RPGR: variants seen among roughly 807,000 people sequenced by gnomAD.
RPGR encodes retinitis pigmentosa GTPase regulator, also known as X-linked retinitis pigmentosa GTPase regulator.
RPGR carries 10 observed loss-of-function variants against 56.3 expected under a neutral mutation model. The ratio of observed to expected loss-of-function variants is 0.18; its 90% confidence interval spans 0.11 to 0.30. The LOEUF is 0.30. Ranked by LOEUF, RPGR falls within the 10% of genes least tolerant of loss-of-function variation. The pLI is 1.00. For missense variants in RPGR, 538 were observed against 590.9 expected (o/e 0.91, Z 0.93); for synonymous variants, 197 against 212.9 (o/e 0.93, Z 0.65).
chrX:38,310,707 A>C lies in RPGR; in HGVS notation c.686T>G (p.Leu229Arg). The change falls in exon 7 of 19, where the codon CTG becomes CGG. Residue 229 changes from leucine (L) to arginine (R), a missense_variant. Leu to Arg is a moderately radical substitution (Grantham distance 102). Around this residue, in one of 2 missense-constraint regions of RPGR, gnomAD observed 181 missense variants for 265.1 expected, o/e 0.68. Transcript: ENST00000642395. Reference sequence around the variant, plus strand: ...CAGCTGGGGTGTTCTGTGATTGCCCAGGAGCTGATTGGGAAGACCTAACTT... The same window carrying C: ...CAGCTGGGGTGTTCTGTGATTGCCCCGGAGCTGATTGGGAAGACCTAACTT... 1 of 1,210,774 alleles carries C rather than the reference A, an allele frequency of 8.3e-7. No individual in the cohort carries two copies. The highest frequency in any genetic ancestry group is 1.1e-6 in the Non-Finnish European group (1 of 894,907).
intron 8 of RPGR, among the ~76,000 whole-genome samples, chrX:38,303,015 C>T (rs955841575): frequency 9.1e-6 from 1 of 110,443 alleles, no homozygotes; most frequent in Non-Finnish European, 1.9e-5. Context: ...ACCATGTTGA[C>T]CAAGCTGTAG....
At chrX:38,288,984 G>A (rs763348610) in intron 13 of RPGR, among the ~76,000 whole-genome samples, 1 of 110,138 alleles carries the variant, frequency 9.1e-6, no homozygotes, top group Admixed American at 9.6e-5. Flanking sequence ...GTTTCACCAT[G>A]ATGGCCAGGC....
chrX:38,289,725 T>TA (rs1389212827), intron 13 of RPGR, among the ~76,000 whole-genome samples: 1 of 112,643 alleles, frequency 8.9e-6, no homozygotes, highest in East Asian at 2.8e-4. Flanking sequence ...AAAAAGACTA[T>TA]AGAAAGTATA....
intron 13 of RPGR, among the ~76,000 whole-genome samples, chrX:38,289,797 T>C (rs1003385515): frequency 8.9e-6 from 1 of 112,539 alleles, no homozygotes; most frequent in Non-Finnish European, 1.9e-5. Context: ...TATTGCTCTT[T>C]AAAAAGTCAT....
chrX:38,280,103 T>C (rs180997035), intron 15 of RPGR, among the ~76,000 whole-genome samples: 274 of 111,111 alleles, frequency 2.5e-3, no homozygotes, highest in Middle Eastern at 4.6e-3. Context: ...ACCTGTAAAA[T>C]GGAAAAATAA....
In RPGR at chrX:38,287,986, T is replaced by A. The variant is rs1046143955; in HGVS notation, c.1628A>T (p.Asp543Val). Reference sequence around the variant, plus strand: ...TGACATTTCTTCATATTCATCACTATCATCGTTTTCAGTAAGAGCTGTATC... The same window carrying A: ...TGACATTTCTTCATATTCATCACTAACATCGTTTTCAGTAAGAGCTGTATC... The change falls in exon 14 of 19, where the codon GAT (aspartate) becomes GTT (valine). Residue 543 changes from aspartate (D) to valine (V), a missense_variant. By Grantham distance (152) the Asp-to-Val change is radical. Transcript: ENST00000642395. 1.7e-6 allele frequency: 2 copies of A among 1,210,545 alleles called. No individual in the cohort carries two copies. Among genetic ancestry groups the A allele is most frequent in the Non-Finnish European group, 2.2e-6 (2 of 894,491 alleles).
chrX:38,293,443 C>A (rs2067324255), intron 11 of RPGR, among the ~76,000 whole-genome samples: 1 of 111,826 alleles, frequency 8.9e-6, no homozygotes, highest in African/African-American at 3.3e-5. Context: ...AAGGAAAAGA[C>A]TACTGAGAGA....
At chrX:38,277,379 C>T (rs1438793943) in intron 15 of RPGR, among the ~76,000 whole-genome samples, 1 of 111,423 alleles carries the variant, frequency 9.0e-6, no homozygotes, top group Non-Finnish European at 1.9e-5. Context: ...AAGAGGCTGT[C>T]TATGGATTTG....
chrX:38,296,932 T>C (rs1569244052), intron 11 of RPGR, among the ~76,000 whole-genome samples: 1 of 112,375 alleles, frequency 8.9e-6, no homozygotes, highest in African/African-American at 3.2e-5. Context: ...GCAAGTCACT[T>C]GATCTCTTCA....
intron 8 of RPGR, among the ~76,000 whole-genome samples, chrX:38,301,970 C>T (rs1416895527): frequency 4.3e-4 from 48 of 111,462 alleles, no homozygotes; most frequent in Non-Finnish European, 1.1e-4. Context: ...GGGGGATGCA[C>T]AAAATCTCTA....
chrX:38,275,561 CTAGAA>C (rs1485752742), intron 16 of RPGR, among the ~76,000 whole-genome samples: 1 of 111,911 alleles, frequency 8.9e-6, no homozygotes, highest in Non-Finnish European at 1.9e-5. Context: ...ACAGTAACTG[CTAGAA>C]TATTTTTTTT....
At chrX:38,278,129 A>AC (rs1173686935) in intron 15 of RPGR, among the ~76,000 whole-genome samples, 1 of 112,394 alleles carries the variant, frequency 8.9e-6, no homozygotes, top group Non-Finnish European at 1.9e-5. Flanking sequence ...GGAACATGGT[A>AC]CCAGGGCAGA....
At chrX:38,298,567 G>T (rs1010746154) in intron 10 of RPGR, 5 of 226,975 alleles carry the variant, frequency 2.2e-5, no homozygotes, top group Admixed American at 6.7e-5. Context: ...TCTGTTAAGG[G>T]GGTATATTTG....
chrX:38,270,342 C>T (rs981399420), intron 18 of RPGR, among the ~76,000 whole-genome samples: 8 of 107,593 alleles, frequency 7.4e-5, no homozygotes, highest in Non-Finnish European at 1.3e-4. Flanking sequence ...TGGCCAGGCG[C>T]GGTAGCCCAT....
intron 6 of RPGR, among the ~76,000 whole-genome samples, chrX:38,312,525 C>G (rs1601963972): frequency 9.0e-6 from 1 of 111,593 alleles, no homozygotes; most frequent in African/African-American, 3.3e-5. Flanking sequence ...CAGACTGTTA[C>G]AAGAGACCTT....
chrX:38,311,531 G>C (rs773485789), intron 6 of RPGR, among the ~76,000 whole-genome samples: 1 of 112,273 alleles, frequency 8.9e-6, no homozygotes, highest in Admixed American at 9.4e-5. Context: ...CAACAGAGCA[G>C]ATCTGCTTGC....
At chrX:38,292,726 TA>T (rs1476089328) in intron 11 of RPGR, among the ~76,000 whole-genome samples, 3 of 112,451 alleles carry the variant, frequency 2.7e-5, no homozygotes, top group African/African-American at 9.7e-5. Flanking sequence ...TGTTTGCTGT[TA>T]AAAAATTGTA....
At chrX:38,304,244 C>T (rs906199407) in intron 8 of RPGR, among the ~76,000 whole-genome samples, 4 of 111,993 alleles carry the variant, frequency 3.6e-5, no homozygotes, top group African/African-American at 1.3e-4. Context: ...CTGAATGCAG[C>T]TCTGTCAGAC....
intron 8 of RPGR, among the ~76,000 whole-genome samples, chrX:38,302,340 C>A (rs1429728441): frequency 9.0e-6 from 1 of 111,190 alleles, no homozygotes; most frequent in Non-Finnish European, 1.9e-5. Context: ...TAGGGCTTAG[C>A]TGCATGAAGA....
Sources: gnomAD v4.1 joint callset for allele counts (sites outside exome capture counted in the v4.1 genomes callset) on GRCh38, gnomAD v4.1.1 for gene constraint, gnomAD v4.1.1 regional missense constraint, MANE v1.5 for transcripts, NCBI Gene and HGNC (gene_info 2026-07-23, HGNC 2026-07-21) for gene names.